FLT1: variants seen among roughly 807,000 people sequenced by gnomAD.
FLT1 encodes the protein fms related receptor tyrosine kinase 1.
A neutral mutation model predicts 156.3 loss-of-function variants in FLT1; 49 were observed. The observed-to-expected ratio is 0.31, with a 90% CI of 0.25 to 0.40. FLT1 has a LOEUF of 0.40. Among genes scored for constraint, FLT1 ranks in the 10% least tolerant of loss-of-function variants. The probability of loss-of-function intolerance (pLI) is 1.00; values close to 1 mark genes in which losing one functional copy is unlikely to be tolerated. For missense variants in FLT1, 1,322 were observed against 1,637.2 expected (o/e 0.81, Z 3.32); for synonymous variants, 594 against 583.8 (o/e 1.02, Z -0.25).
intron 13 of FLT1, chr13:28,388,974 G>T (rs1874534714): frequency 1.9e-6 from 2 of 1,064,776 alleles, no homozygotes; most frequent in East Asian, 1.0e-4. Flanking sequence ...GTCTACTGTG[G>T]CACTAACTGC....
intron 3 of FLT1, among the ~76,000 whole-genome samples, chr13:28,448,199 C>T (rs78708540): frequency 0.046 from 7,057 of 152,306 alleles, 275 homozygotes; most frequent in Admixed American, 0.11. Flanking sequence ...AGCAGTCTGG[C>T]AGTTCCTCAA....
chr13:28,482,535 T>C (rs1005018160), intron 1 of FLT1, among the ~76,000 whole-genome samples: 4 of 152,008 alleles, frequency 2.6e-5, no homozygotes, highest in Admixed American at 1.3e-4. Context: ...AATACAGCCC[T>C]CCAAATCATT....
rs1004305457 is a variant in FLT1 at position 28,303,501 on chromosome 13, C to CG, written c.3816-134_3816-133insC. ...AGTTCATGGTTTTGGAACCCCCCCC[C>CG]CCTCAATTGCTGTCAGATTTCCTCT... On this transcript the variant is annotated intron_variant, in intron 29 of 29. Coordinates refer to ENST00000282397, the MANE Select transcript of FLT1 (RefSeq NM_002019.4). The CG allele has an allele frequency of 1.7e-3, 1,331 of 776,088 alleles. 7 individuals carry two copies. The highest frequency in any genetic ancestry group is 1.9e-3 in the Non-Finnish European group (865 of 464,306). The allele number at this position is 776,088 out of a possible 1,614,324, so 48.1% of individuals were successfully genotyped here.
chr13:28,385,477 T>C, intron 13 of FLT1: 2 of 1,007,890 alleles, frequency 2.0e-6, no homozygotes, highest in Non-Finnish European at 2.4e-6. Context: ...ATTGATGTAT[T>C]TGTGGGGGCG....
At chr13:28,320,770 A>C (rs1374537380) in intron 23 of FLT1, among the ~76,000 whole-genome samples, 3 of 152,118 alleles carry the variant, frequency 2.0e-5, no homozygotes, top group Admixed American at 2.0e-4. Context: ...GTAGCGTAAC[A>C]AGCCTTCTAG....
In FLT1 at chr13:28,491,639, AG is replaced by A. The variant is rs1335398013; in HGVS notation, c.64+3140del. Among the ~76,000 whole-genome samples, 3 of 152,220 alleles carry A rather than the reference AG, an allele frequency of 2.0e-5. No individual in the cohort carries two copies. In the East Asian group the frequency reaches 5.8e-4, roughly 29 times the overall value. On this transcript the variant is annotated intron_variant, in intron 1 of 29. Transcript: ENST00000282397. ...AAAAAGAAAGTTTAATGTGATTAGCAGGGGAAACCCAGTTCATCCTAACAGC... is the reference window on the plus strand; with the variant it reads ...AAAAAGAAAGTTTAATGTGATTAGCAGGGAAACCCAGTTCATCCTAACAGC...
At chr13:28,418,741 T>G (rs985302140) in intron 10 of FLT1, among the ~76,000 whole-genome samples, 1 of 151,976 alleles carries the variant, frequency 6.6e-6, no homozygotes, top group Non-Finnish European at 1.5e-5. Flanking sequence ...TTTTTTTTAT[T>G]TTTATCTTTT....
intron 3 of FLT1, among the ~76,000 whole-genome samples, chr13:28,443,905 A>G (rs888825977): frequency 3.9e-5 from 6 of 152,266 alleles, no homozygotes; most frequent in African/African-American, 1.4e-4. Context: ...GAGTAGTTAT[A>G]CTAACATCAG....
chr13:28,361,805 T>C (rs1343911476), intron 14 of FLT1, among the ~76,000 whole-genome samples: 2 of 152,230 alleles, frequency 1.3e-5, no homozygotes, highest in African/African-American at 4.8e-5. Context: ...AAGACCTGTT[T>C]TGAGTAGGTG....
intron 18 of FLT1, among the ~76,000 whole-genome samples, chr13:28,331,720 C>T (rs987707315): frequency 3.9e-5 from 6 of 152,186 alleles, no homozygotes; most frequent in Admixed American, 3.9e-4. Context: ...TGAGCCATCA[C>T]GCCGGGCCAT....
rs113728662 is a variant in FLT1, at chr13:28,336,585, G to A, written c.2489-2456C>T. ...AGTGCATGGCAGCATGGGTTGGGCCGTCTCTGGCATTCAGGGCTGGTCTTA... is the reference window on the plus strand; with the variant it reads ...AGTGCATGGCAGCATGGGTTGGGCCATCTCTGGCATTCAGGGCTGGTCTTA... On this transcript the variant is annotated intron_variant, in intron 17 of 29. Coordinates refer to ENST00000282397, the MANE Select transcript of FLT1 (RefSeq NM_002019.4). 7.1e-3 allele frequency among the ~76,000 whole-genome samples: 1,078 copies of A among 152,256 alleles called. 14 individuals carry two copies. The highest frequency in any genetic ancestry group is 0.025 in the African/African-American group (1,024 of 41,538).
intron 1 of FLT1, among the ~76,000 whole-genome samples, chr13:28,490,924 G>A (rs1003830203): frequency 6.6e-6 from 1 of 152,196 alleles, no homozygotes; most frequent in African/African-American, 2.4e-5. Context: ...AGCAGGCTTC[G>A]CATTTAACAT....
intron 3 of FLT1, among the ~76,000 whole-genome samples, chr13:28,441,861 A>T (rs757290198): frequency 2.0e-5 from 3 of 152,180 alleles, no homozygotes; most frequent in Non-Finnish European, 2.9e-5. Context: ...TATATTTGTC[A>T]GTCTTTCTAG....
At chr13:28,453,448 C>A (rs1339580940) in intron 3 of FLT1, among the ~76,000 whole-genome samples, 1 of 152,086 alleles carries the variant, frequency 6.6e-6, no homozygotes, top group African/African-American at 2.4e-5. Context: ...CTTAATGTAT[C>A]CCAAGGTTGG....
chr13:28,395,771 A>C (rs184459855), intron 12 of FLT1, among the ~76,000 whole-genome samples: 90 of 152,288 alleles, frequency 5.9e-4, no homozygotes, highest in African/African-American at 2.0e-3. Flanking sequence ...GGTGTTAGAA[A>C]CCTGTTCCTA....
At chr13:28,408,671 C>T (rs1196232214) in intron 10 of FLT1, among the ~76,000 whole-genome samples, 4 of 152,078 alleles carry the variant, frequency 2.6e-5, no homozygotes, top group Non-Finnish European at 4.4e-5. Flanking sequence ...AAGCAGCGTT[C>T]GCTCCTGATT....
At position 28,313,906 on chromosome 13, in the gene FLT1, A is replaced by AG. The variant is rs756766566; in HGVS notation, c.3387-1809_3387-1808insC. On this transcript the variant is annotated intron_variant, in intron 25 of 29. Transcript: ENST00000282397. The stretch of plus-strand genomic sequence containing the variant: ...AGGGAGGTAAAAAAAAAAAAAAAAA[A>AG]AAAGAAGAATCCGGGTGTGGTGGCT... 5.7e-3 allele frequency among the ~76,000 whole-genome samples: 148 copies of AG among 25,896 alleles called. 3 individuals are homozygous for AG. Among genetic ancestry groups the AG allele is most frequent in the Admixed American group, 0.032 (34 of 1,076 alleles). 17.0% of individuals were successfully genotyped at this position (25,896 alleles called of 152,430 possible). A position where few individuals can be genotyped will look rare whatever the true frequency, so the allele number is the denominator to read the frequency against.
chr13:28,473,708 A>AAG (rs1180768407), intron 1 of FLT1, among the ~76,000 whole-genome samples: 1 of 70,108 alleles, frequency 1.4e-5, no homozygotes, highest in Non-Finnish European at 2.7e-5. Flanking sequence ...AAAAGAAAGA[A>AAG]AGAAAGAAAG....
chr13:28,412,386 TTCTTTCTTTCTTTCTTTCTTTCTTC>T (rs1876331505), intron 10 of FLT1, among the ~76,000 whole-genome samples: 2 of 131,644 alleles, frequency 1.5e-5, no homozygotes, highest in Non-Finnish European at 3.4e-5. Context: ...CTTTCTTTCT[TTCTTTCTTTCTTTCTTTCTTTCTTC>T]TCTTTCTCTC....
Sources: allele counts gnomAD v4.1 joint callset (sites outside exome capture counted in the v4.1 genomes callset), GRCh38; gene constraint gnomAD v4.1.1; transcripts MANE v1.5; gene names NCBI Gene and HGNC (gene_info 2026-07-23, HGNC 2026-07-21).